AARS1: variants seen among roughly 807,000 people sequenced by gnomAD.
AARS1 encodes alanyl-tRNA synthetase 1, also known as alanine--tRNA ligase, cytoplasmic.
Under a neutral mutation model 108.9 loss-of-function variants are expected in AARS1, and 72 were observed. The observed-to-expected ratio is 0.66, with a 90% confidence interval of 0.55 to 0.80. The LOEUF (loss-of-function observed/expected upper bound fraction) is 0.80. Among genes scored for constraint, AARS1 ranks in the 30% least tolerant of loss-of-function variants. The probability of loss-of-function intolerance (pLI) is 0.00; values close to 1 mark genes in which losing one functional copy is unlikely to be tolerated. For missense variants in AARS1, 1,193 were observed against 1,233.2 expected, an observed-to-expected ratio of 0.97 and a Z score of 0.49; for synonymous variants, 489 against 465.7, an observed-to-expected ratio of 1.05 and a Z score of -0.64.
chr16:70,285,226 C>CT lies in AARS1; in HGVS notation c.-21-2443dup, dbSNP rs1163153661. Among the ~76,000 whole-genome samples the CT allele has an allele frequency of 3.6e-5, 5 of 139,306 alleles. No homozygotes were observed. In the South Asian group the frequency reaches 6.5e-4, roughly 18 times the overall value. The allele number at this position is 139,306 out of a possible 152,430, so 91.4% of individuals were successfully genotyped here. A position where few individuals can be genotyped will look rare whatever the true frequency, so the allele number is the denominator to read the frequency against. On this transcript the variant is annotated intron_variant, in intron 1 of 20. Coordinates refer to ENST00000261772, the MANE Select transcript of AARS1 (RefSeq NM_001605.3). ...CCTGGGTGGCTGAGGGAGACTCCGT[C>CT]TAAAAAAAAAAAAAAAGGAAAACCT... is the stretch of plus-strand genomic sequence containing the variant.
At chr16:70,263,470 C>G (rs1344788413) in intron 11 of AARS1, among the ~76,000 whole-genome samples, 2 of 151,066 alleles carry the variant, frequency 1.3e-5, no homozygotes, top group Admixed American at 1.3e-4. Context: ...AATTGGGAGG[C>G]TGAGGCAGGA....
intron 15 of AARS1, 150 bp downstream of exon 15, chr16:70,257,883 G>A: frequency 1.2e-6 from 1 of 816,738 alleles, no homozygotes; most frequent in South Asian, 1.5e-5. Context: ...ATGCTAGGAT[G>A]CTGAGATTCT....
chr16:70,275,852 G>C (rs1234818414), intron 4 of AARS1, among the ~76,000 whole-genome samples: 1 of 139,546 alleles, frequency 7.2e-6, no homozygotes, highest in Non-Finnish European at 1.5e-5. Context: ...AAGGAGAATG[G>C]CATGAACCCA....
chr16:70,272,762 AC>A (rs1159707173), intron 4 of AARS1, among the ~76,000 whole-genome samples: 1 of 148,920 alleles, frequency 6.7e-6, no homozygotes, highest in East Asian at 1.9e-4. Context: ...TCTAAAAAAT[AC>A]AAAAAAAAAT....
In AARS1 at chr16:70,263,294, G is replaced by A. The variant is rs555691977; in HGVS notation, c.1493-770C>T. ...TTTAGGTGTAAGATTGTTCTCAGCC[G>A]GGCACGGTGGCTCACACCTGTCATC... On this transcript the variant is annotated intron_variant, in intron 11 of 20. Coordinates refer to ENST00000261772, the MANE Select transcript of AARS1 (RefSeq NM_001605.3). 3.9e-5 allele frequency among the ~76,000 whole-genome samples: 6 copies of A among 152,188 alleles called. No individual in the cohort carries two copies. In the South Asian group the frequency reaches 1.0e-3, roughly 26 times the overall value.
At chr16:70,270,604 C>T (rs866240652) in intron 5 of AARS1, among the ~76,000 whole-genome samples, 2 of 151,738 alleles carry the variant, frequency 1.3e-5, no homozygotes, top group East Asian at 1.9e-4. Context: ...TTTGGGAGGC[C>T]GAGGTGGTGG....
intron 2 of AARS1, among the ~76,000 whole-genome samples, chr16:70,281,621 G>T (rs752493298): frequency 6.6e-6 from 1 of 152,108 alleles, no homozygotes; most frequent in Admixed American, 6.6e-5. Context: ...AGCCAAGATC[G>T]TGCCACTGCA....
chr16:70,274,107 G>A (rs890132359), intron 4 of AARS1, among the ~76,000 whole-genome samples: 7 of 150,812 alleles, frequency 4.6e-5, no homozygotes, highest in Non-Finnish European at 3.0e-5. Flanking sequence ...AGGCCGAGGT[G>A]GGTGAATCAC....
In AARS1 at chr16:70,267,697, C is replaced by T. The variant is rs1454249728; in HGVS notation, c.1184G>A (p.Arg395Lys). 2 of 1,614,048 alleles carry T rather than the reference C, an allele frequency of 1.2e-6. No individual in the cohort carries two copies. Among genetic ancestry groups the T allele is most frequent in the Admixed American group, 3.3e-5 (2 of 59,976 alleles). Reference sequence around the variant, plus strand: ...GCTGTCTCCCAGGCTCTGAATTTTCCTGTCCAGGATGCGACGCCCTCTGCT... The same window carrying T: ...GCTGTCTCCCAGGCTCTGAATTTTCTTGTCCAGGATGCGACGCCCTCTGCT... ...TLSRGRRILD[R>K]KIQSLGDSKT... is the part of the protein sequence containing the mutation. Residue 395 changes from arginine to lysine, a missense_variant, in exon 9 of 21, where the codon AGG becomes AAG. By Grantham distance (26) the Arg-to-Lys change is conservative. Transcript: ENST00000261772.
At chr16:70,286,924 T>A (rs1960859317) in intron 1 of AARS1, among the ~76,000 whole-genome samples, 1 of 151,648 alleles carries the variant, frequency 6.6e-6, no homozygotes, top group Non-Finnish European at 1.5e-5. Context: ...GAGAACAGCC[T>A]GGCCAACATG....
intron 2 of AARS1, 38 bp from the exon 3 acceptor site, chr16:70,277,192 G>A: frequency 6.3e-7 from 1 of 1,598,804 alleles, no homozygotes; most frequent in Non-Finnish European, 8.6e-7. Flanking sequence ...TTTAAAGGGT[G>A]CAAGTGATGT....
chr16:70,287,363 G>T (rs1465062302), intron 1 of AARS1, among the ~76,000 whole-genome samples: 1 of 147,700 alleles, frequency 6.8e-6, no homozygotes, highest in Admixed American at 6.6e-5. Context: ...GGGAGGCGGT[G>T]GCTGCAGCGA....
At position 70,282,727 on chromosome 16, in the gene AARS1, G is replaced by A. The variant is rs761931081; in HGVS notation, c.37C>T (p.Arg13Ter). ...STLTASEIRQ[R>*]FIDFFKRNEH... ...TTCCTCTTGAAGAAATCTATAAATC[G>A]CTGCCGGATTTCACTTGCTGTTAGA... Residue 13 changes from arginine to a stop codon, truncating the protein, a stop_gained, in exon 2 of 21, where the codon CGA (arginine) becomes TGA (stop). Transcript: ENST00000261772. LOFTEE classifies it high-confidence loss of function. 11 of 1,613,884 alleles carry A rather than the reference G, an allele frequency of 6.8e-6. No individual in the cohort carries two copies. The highest frequency in any genetic ancestry group is 6.7e-5 in the Admixed American group (4 of 59,946).
chr16:70,259,095 C>A lies in AARS1; in HGVS notation c.1877G>T (p.Gly626Val). ...RSVLGEADQK[G>V]SLVAPDRLRF... ...GAGGCGGTCAGGAGCAACCAATGAG[C>A]CTTTCTGGTCAGCTTCCCCAAGCAC... is the stretch of plus-strand genomic sequence containing the variant. Residue 626 changes from glycine to valine, a missense_variant, in exon 14 of 21, where the codon GGC (glycine) becomes GTC (valine). Gly to Val is a moderately radical substitution (Grantham distance 109). Transcript: ENST00000261772. 6.2e-7 allele frequency: 1 copy of A among 1,614,156 alleles called. No individual in the cohort carries two copies. Among genetic ancestry groups the A allele is most frequent in the Admixed American group, 1.7e-5 (1 of 60,014 alleles).
chr16:70,262,917 G>A (rs866109646), intron 11 of AARS1, among the ~76,000 whole-genome samples: 5 of 126,068 alleles, frequency 4.0e-5, no homozygotes, highest in South Asian at 2.8e-4. Flanking sequence ...GCAGTGAGCC[G>A]AGATTGTGCC....
At position 70,261,362 on chromosome 16, in the gene AARS1, C is replaced by G. The variant is rs58467558; in HGVS notation, c.1672-205G>C. The G allele has an allele frequency of 0.041, 17,355 of 428,272 alleles. 2,588 individuals carry two copies. Among genetic ancestry groups the G allele is most frequent in the African/African-American group, 0.32 (15,668 of 49,174 alleles). 26.5% of individuals were successfully genotyped at this position (428,272 alleles called of 1,614,324 possible). A position where few individuals can be genotyped will look rare whatever the true frequency, so the allele number is the denominator to read the frequency against. ...TGTAATCCCAGCACTTTGGGAGGCT[C>G]AGGTGAGTAGATCACCTGAGGCCAG... On this transcript the variant is annotated intron_variant, in intron 12 of 20. Coordinates refer to ENST00000261772, the MANE Select transcript of AARS1 (RefSeq NM_001605.3).
chr16:70,271,776 G>A lies in AARS1; in HGVS notation c.671+5C>T, dbSNP rs1157520654. 2 of 1,613,924 alleles carry A rather than the reference G, an allele frequency of 1.2e-6. No individual in the cohort carries two copies. The highest frequency in any genetic ancestry group is 1.7e-6 in the Non-Finnish European group (2 of 1,179,926). On this transcript the variant is annotated splice_donor_5th_base_variant and intron_variant, in intron 5 of 20. Coordinates refer to ENST00000261772, the MANE Select transcript of AARS1 (RefSeq NM_001605.3). Reference sequence around the variant, plus strand: ...GAAAGGAATGGAGTAGGAACCCAAGGCTACCTGTTATACTGGATGAACACA... The same window carrying A: ...GAAAGGAATGGAGTAGGAACCCAAGACTACCTGTTATACTGGATGAACACA...
chr16:70,258,902 A>G, intron 14 of AARS1, 78 bp downstream of exon 14: 4 of 1,461,048 alleles, frequency 2.7e-6, no homozygotes, highest in South Asian at 2.3e-5. Context: ...CAACAGAGTG[A>G]GAGCACCGCA....
In AARS1 at chr16:70,252,648, C is replaced by G. The variant is rs1959868813; in HGVS notation, c.*73G>C. 13 of 1,554,808 alleles carry G rather than the reference C, an allele frequency of 8.4e-6. No homozygotes were observed. Among genetic ancestry groups the G allele is most frequent in the African/African-American group, 1.4e-5 (1 of 73,728 alleles). On this transcript the variant is annotated 3_prime_UTR_variant, in exon 21 of 21. Coordinates refer to ENST00000261772, the MANE Select transcript of AARS1 (RefSeq NM_001605.3). ...GGGGCTCTTTAAAGGTCCCAAGATT[C>G]AAATGTTCTTGTAGCAGATGAAGAG... is the stretch of plus-strand genomic sequence containing the variant.
Sources: allele counts gnomAD v4.1 joint callset (sites outside exome capture counted in the v4.1 genomes callset), GRCh38; gene constraint gnomAD v4.1.1; transcripts MANE v1.5; gene names NCBI Gene and HGNC (gene_info 2026-07-23, HGNC 2026-07-21).